The following STXBP4 variants were observed in gnomAD, a reference collection of about 807,000 sequenced individuals.
STXBP4 encodes the protein syntaxin binding protein 4.
In STXBP4, 55 loss-of-function variants were observed where a neutral mutation model predicts 76.1. The observed-to-expected ratio is 0.72, with a 90% CI of 0.58 to 0.91. STXBP4 has a LOEUF of 0.91. Among genes scored for constraint, STXBP4 ranks in the 40% least tolerant of loss-of-function variants. STXBP4 has a pLI of 0.00. For synonymous variants in STXBP4, 201 were observed against 220.2 expected (o/e 0.91, Z 0.77); for missense variants, 618 against 636.9 (o/e 0.97, Z 0.32).
intron 16 of STXBP4, among the ~76,000 whole-genome samples, chr17:55,109,820 G>A (rs72628379): frequency 0.042 from 6,412 of 151,894 alleles, 228 homozygotes; most frequent in East Asian, 0.2. Flanking sequence ...TGTATTTTTA[G>A]TAGAGAAGAG....
chr17:55,117,503 T>G (rs894767547), intron 16 of STXBP4, among the ~76,000 whole-genome samples: 1 of 151,818 alleles, frequency 6.6e-6, no homozygotes, highest in African/African-American at 2.4e-5. Context: ...TGATCAAGGC[T>G]TCCCAACACC....
intron 16 of STXBP4, among the ~76,000 whole-genome samples, chr17:55,090,466 C>T (rs1305220106): frequency 6.6e-6 from 1 of 152,052 alleles, no homozygotes; most frequent in South Asian, 2.1e-4. Flanking sequence ...ACATTTCACC[C>T]AGAGGTTTGA....
chr17:55,098,442 A>G (rs2079521490), intron 16 of STXBP4, among the ~76,000 whole-genome samples: 1 of 152,210 alleles, frequency 6.6e-6, no homozygotes, highest in Non-Finnish European at 1.5e-5. Flanking sequence ...TGGAAATACT[A>G]AAATTGCATA....
chr17:55,108,297 G>A (rs969849763), intron 16 of STXBP4, among the ~76,000 whole-genome samples: 11 of 152,202 alleles, frequency 7.2e-5, no homozygotes, highest in African/African-American at 2.7e-4. Context: ...TCAGACTGCT[G>A]GGCTGGCAGC....
chr17:55,033,402 T>TA (rs1684015712), intron 9 of STXBP4, among the ~76,000 whole-genome samples: 2 of 151,498 alleles, frequency 1.3e-5, no homozygotes, highest in East Asian at 1.9e-4. Context: ...TAAAATAAAA[T>TA]AAATAAATAA....
At chr17:55,073,729 A>G (rs749886858) in intron 13 of STXBP4, among the ~76,000 whole-genome samples, 5 of 152,136 alleles carry the variant, frequency 3.3e-5, no homozygotes, top group Non-Finnish European at 5.9e-5. Context: ...CCCAGGTTCA[A>G]GTGATTCTCC....
At chr17:54,986,919 T>A (rs965304835) in intron 3 of STXBP4, among the ~76,000 whole-genome samples, 1 of 152,228 alleles carries the variant, frequency 6.6e-6, no homozygotes, top group South Asian at 2.1e-4. Context: ...GCTAGGAAGG[T>A]TGAATGGCAG....
chr17:55,063,283 AC>A (rs2079015172), intron 12 of STXBP4, among the ~76,000 whole-genome samples: 1 of 152,224 alleles, frequency 6.6e-6, no homozygotes, highest in African/African-American at 2.4e-5. Flanking sequence ...AAAAGATCTT[AC>A]CATGTTAATG....
chr17:55,013,009 C>T (rs2078141418), intron 8 of STXBP4, among the ~76,000 whole-genome samples: 1 of 152,218 alleles, frequency 6.6e-6, no homozygotes, highest in Non-Finnish European at 1.5e-5. Context: ...AAACGGTTGT[C>T]TGACAGCCAC....
At chr17:55,010,518 A>C (rs1029314447) in intron 8 of STXBP4, among the ~76,000 whole-genome samples, 4 of 152,136 alleles carry the variant, frequency 2.6e-5, no homozygotes, top group African/African-American at 4.8e-5. Flanking sequence ...AAGTATGAAT[A>C]GTATATGTCT....
intron 8 of STXBP4, among the ~76,000 whole-genome samples, chr17:55,014,716 A>T (rs544558437): frequency 6.6e-6 from 1 of 152,284 alleles, no homozygotes; most frequent in African/African-American, 2.4e-5. Context: ...CCCCTGGGGC[A>T]ATTGGCCTTC....
chr17:54,996,862 C>T (rs559376597), intron 4 of STXBP4, among the ~76,000 whole-genome samples: 10 of 152,282 alleles, frequency 6.6e-5, no homozygotes, highest in African/African-American at 1.9e-4. Context: ...ATTTAGAAAA[C>T]TATATACCAA....
intron 15 of STXBP4, among the ~76,000 whole-genome samples, chr17:55,080,408 T>TG (rs1359175920): frequency 6.6e-6 from 1 of 152,224 alleles, no homozygotes; most frequent in African/African-American, 2.4e-5. Flanking sequence ...CTTAGGAAGA[T>TG]GGAGTATAAA....
intron 16 of STXBP4, among the ~76,000 whole-genome samples, chr17:55,134,526 T>C (rs1014229362): frequency 6.6e-5 from 10 of 152,162 alleles, no homozygotes; most frequent in African/African-American, 2.4e-4. Flanking sequence ...CTTCAGAATT[T>C]CTGGAGAAAT....
At chr17:55,186,463 T>G in the STXBP4 span, among the ~76,000 whole-genome samples, 1 of 152,328 alleles carries the variant, frequency 6.6e-6, no homozygotes, top group South Asian at 2.1e-4. Flanking sequence ...AATCAAAGTA[T>G]GTAGTGTTGT....
chr17:55,206,857 G>GAAAAAAAAAA, the STXBP4 span, among the ~76,000 whole-genome samples: 1 of 103,164 alleles, frequency 9.7e-6, no homozygotes, highest in Non-Finnish European at 2.0e-5. Flanking sequence ...CTCCGTCTCA[G>GAAAAAAAAAA]AAAAAAAAAA....
At chr17:54,986,952 T>G (rs2077635138) in intron 3 of STXBP4, among the ~76,000 whole-genome samples, 1 of 152,208 alleles carries the variant, frequency 6.6e-6, no homozygotes, top group African/African-American at 2.4e-5. Context: ...AACTGGTCTG[T>G]CATTCTTCAG....
chr17:55,004,068 A>G (rs2077963697), intron 7 of STXBP4, among the ~76,000 whole-genome samples: 1 of 151,938 alleles, frequency 6.6e-6, no homozygotes. Flanking sequence ...AGTCCCAGCT[A>G]CTCGGGAGGC....
At chr17:55,038,103 G>T (rs901538249) in intron 10 of STXBP4, among the ~76,000 whole-genome samples, 4 of 152,096 alleles carry the variant, frequency 2.6e-5, no homozygotes, top group Non-Finnish European at 5.9e-5. Context: ...TGTTAGGCAT[G>T]TATGTCTTTT....
Sources: gnomAD v4.1 joint callset for allele counts (sites outside exome capture counted in the v4.1 genomes callset) on GRCh38, gnomAD v4.1.1 for gene constraint, MANE v1.5 for transcripts, NCBI Gene and HGNC (gene_info 2026-07-23, HGNC 2026-07-21) for gene names.